ADGRG6: variants seen among roughly 807,000 people sequenced by gnomAD.
The protein encoded by ADGRG6 is adhesion G protein-coupled receptor G6.
A neutral mutation model predicts 142.4 loss-of-function variants in ADGRG6; 84 were observed. The observed-to-expected ratio is 0.59, with a 90% confidence interval of 0.49 to 0.71. ADGRG6 has a LOEUF of 0.71. Ranked by LOEUF, ADGRG6 falls within the 30% of genes least tolerant of loss-of-function variation. ADGRG6 has a pLI of 0.00. For synonymous variants in ADGRG6, 521 were observed against 520.5 expected, an observed-to-expected ratio of 1.00 and a Z score of -0.01; for missense variants, 1,367 against 1,466.6, an observed-to-expected ratio of 0.93 and a Z score of 1.11.
intron 2 of ADGRG6, among the ~76,000 whole-genome samples, chr6:142,366,673 T>G (rs1780955421): frequency 1.3e-5 from 2 of 151,432 alleles, no homozygotes; most frequent in Admixed American, 1.3e-4. Context: ...TAGAATTGCT[T>G]GAACCTGGGA....
At chr6:142,399,883 T>C (rs1485870751) in intron 10 of ADGRG6, among the ~76,000 whole-genome samples, 1 of 152,182 alleles carries the variant, frequency 6.6e-6, no homozygotes, top group Non-Finnish European at 1.5e-5. Context: ...TCTGAATCAT[T>C]GATGTCATGA....
intron 4 of ADGRG6, among the ~76,000 whole-genome samples, chr6:142,373,905 T>TTTTTTG (rs1781375048): frequency 6.9e-6 from 1 of 145,642 alleles, no homozygotes. Context: ...TTTTTTTTTT[T>TTTTTTG]AAGTTGGGGT....
At chr6:142,420,574 T>A (rs1776615497) in intron 22 of ADGRG6, among the ~76,000 whole-genome samples, 1 of 152,122 alleles carries the variant, frequency 6.6e-6, no homozygotes, top group South Asian at 2.1e-4. Flanking sequence ...TCACCTTGAT[T>A]TTTTGGGTCC....
chr6:142,417,405 C>A, intron 21 of ADGRG6, 36 bp downstream of exon 21: 1 of 867,982 alleles, frequency 1.2e-6, no homozygotes, highest in South Asian at 1.5e-5. Flanking sequence ...GAGTAGATAT[C>A]CTTTGTTTCC....
chr6:142,315,603 C>T (rs12200161), intron 2 of ADGRG6, among the ~76,000 whole-genome samples: 20,655 of 151,778 alleles, frequency 0.14, 1,488 homozygotes, highest in Non-Finnish European at 0.16. Flanking sequence ...GCCGAGGCGG[C>T]GGGCAGATCA....
intron 16 of ADGRG6, among the ~76,000 whole-genome samples, chr6:142,408,644 G>A (rs1168339699): frequency 6.6e-6 from 1 of 152,118 alleles, no homozygotes; most frequent in Non-Finnish European, 1.5e-5. Flanking sequence ...ACTGCAACTG[G>A]GAAAGCCAAC....
At chr6:142,432,807 A>G (rs1777276751) in intron 22 of ADGRG6, among the ~76,000 whole-genome samples, 1 of 152,134 alleles carries the variant, frequency 6.6e-6, no homozygotes, top group Non-Finnish European at 1.5e-5. Context: ...TGAATCTGTG[A>G]CCTCGTTCTT....
intron 2 of ADGRG6, among the ~76,000 whole-genome samples, chr6:142,367,174 C>T (rs926119794): frequency 6.6e-6 from 1 of 152,076 alleles, no homozygotes; most frequent in African/African-American, 2.4e-5. Context: ...CAGTTACCCT[C>T]TAGAGTAGAG....
In ADGRG6 at chr6:142,348,608, A is replaced by G. The variant is rs9496347; in HGVS notation, c.104-18961A>G. Among the ~76,000 whole-genome samples, 732 of 151,926 alleles carry G rather than the reference A, an allele frequency of 4.8e-3. 9 individuals are homozygous for G. Among genetic ancestry groups the G allele is most frequent in the African/African-American group, 0.017 (693 of 41,440 alleles). ...ACATTCATGGATCATGAGCAAAGCAATATTTGAATGTGAGGGGTGGTTTTT... is the reference window on the plus strand; with the variant it reads ...ACATTCATGGATCATGAGCAAAGCAGTATTTGAATGTGAGGGGTGGTTTTT... On this transcript the variant is annotated intron_variant, in intron 2 of 24. Transcript: ENST00000367609.
intron 18 of ADGRG6, among the ~76,000 whole-genome samples, chr6:142,414,614 C>T (rs1423465493): frequency 1.3e-5 from 2 of 152,140 alleles, no homozygotes; most frequent in African/African-American, 4.8e-5. Context: ...AGCCCTGCAA[C>T]TGTTAGGAAT....
At chr6:142,407,170 T>TAAAA (rs11414768) in intron 15 of ADGRG6, among the ~76,000 whole-genome samples, 1 of 121,034 alleles carries the variant, frequency 8.3e-6, no homozygotes, top group African/African-American at 3.2e-5. Context: ...CCCGTCTCTT[T>TAAAA]AAAAAAAAAA....
chr6:142,318,547 G>C (rs1216921153), intron 2 of ADGRG6, among the ~76,000 whole-genome samples: 1 of 148,268 alleles, frequency 6.7e-6, no homozygotes, highest in Non-Finnish European at 1.5e-5. Context: ...AAAATAATAG[G>C]ATGCAGTGTG....
intron 22 of ADGRG6, among the ~76,000 whole-genome samples, chr6:142,430,948 G>C (rs1016402888): frequency 3.9e-5 from 6 of 152,084 alleles, no homozygotes; most frequent in African/African-American, 1.4e-4. Flanking sequence ...TAAATTTTCT[G>C]TCCTAACAAC....
intron 2 of ADGRG6, among the ~76,000 whole-genome samples, chr6:142,354,492 A>G (rs1031015463): frequency 3.9e-5 from 6 of 152,176 alleles, no homozygotes; most frequent in Admixed American, 6.5e-5. Context: ...CATTTCATAC[A>G]TTCTCTTTTG....
Position 142,446,136 on chromosome 6 carries a change from A to G in ADGRG6, c.*2621A>G, listed in dbSNP as rs1338155376. 6.6e-6 allele frequency: 1 copy of G among 152,608 alleles called. No individual in the cohort carries two copies. The highest frequency in any genetic ancestry group is 1.5e-5 in the Non-Finnish European group (1 of 68,020). 9.5% of individuals were successfully genotyped at this position (152,608 alleles called of 1,614,324 possible). A position where few individuals can be genotyped will look rare whatever the true frequency, so the allele number is the denominator to read the frequency against. ...TTTGGTAGCAATATCTTTGAATATGATGAATAAAAGTGACTGTGAGTGCAA... is the reference window on the plus strand; with the variant it reads ...TTTGGTAGCAATATCTTTGAATATGGTGAATAAAAGTGACTGTGAGTGCAA... On this transcript the variant is annotated 3_prime_UTR_variant, in exon 25 of 25. Transcript: ENST00000367609.
intron 9 of ADGRG6, among the ~76,000 whole-genome samples, chr6:142,396,547 A>T (rs1371855588): frequency 6.6e-6 from 1 of 152,104 alleles, no homozygotes; most frequent in African/African-American, 2.4e-5. Flanking sequence ...TACTACTATA[A>T]TACTTATTAA....
chr6:142,417,412 T>A, intron 21 of ADGRG6, 43 bp downstream of exon 21: 2 of 845,494 alleles, frequency 2.4e-6, no homozygotes, highest in Non-Finnish European at 3.9e-6. Context: ...TATCCTTTGT[T>A]TCCTGAAGTT....
intron 5 of ADGRG6, among the ~76,000 whole-genome samples, chr6:142,383,488 A>G (rs564582154): frequency 3.3e-5 from 5 of 152,254 alleles, no homozygotes; most frequent in Non-Finnish European, 7.4e-5. Context: ...ATCTAGGTCT[A>G]GAATCTAGAA....
At chr6:142,425,334 G>T (rs1458090389) in intron 22 of ADGRG6, among the ~76,000 whole-genome samples, 2 of 152,196 alleles carry the variant, frequency 1.3e-5, no homozygotes, top group African/African-American at 4.8e-5. Flanking sequence ...CTGTGGTGGG[G>T]ATGAGAGAGC....
Sources: gnomAD v4.1 joint callset for allele counts (sites outside exome capture counted in the v4.1 genomes callset) on GRCh38, gnomAD v4.1.1 for gene constraint, MANE v1.5 for transcripts, NCBI Gene and HGNC (gene_info 2026-07-23, HGNC 2026-07-21) for gene names.